ALOX5AP: variants seen among roughly 807,000 people sequenced by gnomAD.
ALOX5AP encodes arachidonate 5-lipoxygenase activating protein.
In ALOX5AP, 9 loss-of-function variants were observed where a neutral mutation model predicts 18.5. The ratio of observed to expected loss-of-function variants is 0.49; its 90% confidence interval spans 0.29 to 0.85. The LOEUF is 0.85. Ranked by LOEUF, ALOX5AP falls within the 40% of genes least tolerant of loss-of-function variation. The probability of loss-of-function intolerance (pLI) is 0.08; values close to 1 mark genes in which losing one functional copy is unlikely to be tolerated. For missense variants in ALOX5AP, 172 were observed against 202.5 expected (o/e 0.85, Z 0.91); for synonymous variants, 81 against 78.6 (o/e 1.03, Z -0.16).
chr13:30,730,011 C>T (rs904240675), intron 1 of ALOX5AP, among the ~76,000 whole-genome samples: 2 of 152,200 alleles, frequency 1.3e-5, no homozygotes, highest in African/African-American at 2.4e-5. Flanking sequence ...AGAAGTTTTG[C>T]GGATACTACA....
intron 1 of ALOX5AP, among the ~76,000 whole-genome samples, chr13:30,729,576 ATTTTTTT>A: frequency 7.3e-6 from 1 of 137,628 alleles, no homozygotes; most frequent in South Asian, 2.2e-4. Flanking sequence ...TCTAACCTGT[ATTTTTTT>A]TTTTTTTTTT....
intron 2 of ALOX5AP, among the ~76,000 whole-genome samples, chr13:30,746,279 G>T (rs1322823250): frequency 1.3e-5 from 2 of 152,246 alleles, no homozygotes; most frequent in Admixed American, 6.5e-5. Context: ...TCCCCACCGT[G>T]TGGGTGCTGC....
chr13:30,736,021 T>G (rs1045067161), intron 1 of ALOX5AP, among the ~76,000 whole-genome samples: 2 of 152,154 alleles, frequency 1.3e-5, no homozygotes, highest in Non-Finnish European at 2.9e-5. Flanking sequence ...GTGAGAAGAC[T>G]AGAAAGGGAA....
intron 4 of ALOX5AP, among the ~76,000 whole-genome samples, chr13:30,763,556 G>A (rs753926436): frequency 4.6e-5 from 7 of 152,230 alleles, no homozygotes; most frequent in East Asian, 1.9e-4. Flanking sequence ...CGTGTCTGTC[G>A]TTATGGGCAG....
intron 1 of ALOX5AP, among the ~76,000 whole-genome samples, chr13:30,740,644 G>A (rs1404711328): frequency 2.0e-5 from 3 of 152,230 alleles, no homozygotes; most frequent in South Asian, 2.1e-4. Context: ...TAGCTTAGAA[G>A]GAAGGAGCGG....
At chr13:30,754,925 A>C (rs1951880543) in intron 3 of ALOX5AP, among the ~76,000 whole-genome samples, 1 of 152,246 alleles carries the variant, frequency 6.6e-6, no homozygotes, top group South Asian at 2.1e-4. Flanking sequence ...AAACGCCAGG[A>C]GCACTGCGGC....
intron 1 of ALOX5AP, among the ~76,000 whole-genome samples, chr13:30,740,715 GA>G (rs1301008410): frequency 2.0e-5 from 3 of 152,156 alleles, no homozygotes; most frequent in Admixed American, 1.3e-4. Context: ...AAAGGATAGG[GA>G]AGATCTGTGC....
At chr13:30,714,413 T>G (rs1235187741) in intron 1 of ALOX5AP, among the ~76,000 whole-genome samples, 2 of 151,666 alleles carry the variant, frequency 1.3e-5, no homozygotes, top group African/African-American at 4.8e-5. Context: ...ACCTGACGGG[T>G]CGATGTGGGG....
intron 1 of ALOX5AP, among the ~76,000 whole-genome samples, chr13:30,718,650 G>C (rs962157729): frequency 1.3e-5 from 2 of 152,000 alleles, no homozygotes; most frequent in African/African-American, 4.8e-5. Context: ...TCTCAAAAAA[G>C]GCCTTTTATT....
At chr13:30,746,661 T>C (rs1316043532) in intron 2 of ALOX5AP, among the ~76,000 whole-genome samples, 1 of 152,196 alleles carries the variant, frequency 6.6e-6, no homozygotes, top group African/African-American at 2.4e-5. Flanking sequence ...TCCAGGGGCA[T>C]CCAAGAGCAC....
At chr13:30,748,674 G>C (rs1417211892) in intron 2 of ALOX5AP, among the ~76,000 whole-genome samples, 2 of 152,194 alleles carry the variant, frequency 1.3e-5, no homozygotes, top group African/African-American at 2.4e-5. Context: ...GAAGACATTG[G>C]AACAATGATA....
intron 1 of ALOX5AP, among the ~76,000 whole-genome samples, chr13:30,742,172 C>T (rs558744833): frequency 3.3e-5 from 5 of 152,074 alleles, no homozygotes; most frequent in African/African-American, 7.2e-5. Context: ...AAAAATTAGC[C>T]GGGCGTGATG....
intron 1 of ALOX5AP, 148 bp downstream of exon 1, chr13:30,735,823 T>A: frequency 9.8e-7 from 1 of 1,025,426 alleles, no homozygotes; most frequent in Non-Finnish European, 1.4e-6. Flanking sequence ...TATTTGAATG[T>A]ATAGGGTTGT....
chr13:30,748,759 A>C (rs568095981), intron 2 of ALOX5AP, among the ~76,000 whole-genome samples: 6 of 152,248 alleles, frequency 3.9e-5, no homozygotes, highest in African/African-American at 7.2e-5. Flanking sequence ...AGTCTAGGGA[A>C]GTAATTACTA....
At position 30,735,590 on chromosome 13, in the gene ALOX5AP, G is replaced by A. The variant is rs2137801996; in HGVS notation, c.-16G>A. Reference sequence around the variant, plus strand: ...CTGGAGGCAGAGCAGTCCTCTCTGGGGAGCCTGAAGCAAACATGGATCAAG... The same window carrying A: ...CTGGAGGCAGAGCAGTCCTCTCTGGAGAGCCTGAAGCAAACATGGATCAAG... On this transcript the variant is annotated 5_prime_UTR_variant, in exon 1 of 5. Transcript: ENST00000380490. The A allele has an allele frequency of 1.2e-6, 2 of 1,614,108 alleles. No homozygotes were observed. Among genetic ancestry groups the A allele is most frequent in the Non-Finnish European group, 1.7e-6 (2 of 1,180,012 alleles).
At chr13:30,720,819 A>G (rs2137787562) in intron 1 of ALOX5AP, among the ~76,000 whole-genome samples, 1 of 152,362 alleles carries the variant, frequency 6.6e-6, no homozygotes, top group South Asian at 2.1e-4. Context: ...TGTCAATAAA[A>G]GGCAGAAAAA....
intron 2 of ALOX5AP, among the ~76,000 whole-genome samples, chr13:30,749,528 A>G (rs747239564): frequency 6.6e-5 from 10 of 152,224 alleles, no homozygotes; most frequent in Non-Finnish European, 8.8e-5. Flanking sequence ...CTAGTAACAT[A>G]TAAGAATAGA....
intron 1 of ALOX5AP, among the ~76,000 whole-genome samples, chr13:30,719,520 A>C (rs928966152): frequency 2.6e-5 from 4 of 152,174 alleles, no homozygotes; most frequent in African/African-American, 9.7e-5. Context: ...TTTCTTGCTT[A>C]TTATCTGCTC....
chr13:30,729,970 T>C lies in ALOX5AP; in HGVS notation c.117-5581T>C, dbSNP rs376538465. On this transcript the variant is annotated intron_variant, in intron 1 of 5. Transcript: ENST00000617770. ...ACGTACAAATGCATAAGCAATATAC[T>C]GTGTGGTGTGAGTTTGTGATGGGAA... Among the ~76,000 whole-genome samples, 7 of 152,216 alleles carry C rather than the reference T, an allele frequency of 4.6e-5. No individual in the cohort carries two copies. In the East Asian group the frequency reaches 9.6e-4, roughly 21 times the overall value.
Sources: gnomAD v4.1 joint callset for allele counts (sites outside exome capture counted in the v4.1 genomes callset) on GRCh38, gnomAD v4.1.1 for gene constraint, MANE v1.5 for transcripts, NCBI Gene and HGNC (gene_info 2026-07-23, HGNC 2026-07-21) for gene names.